Variants in EIF3H observed in about 807,000 individuals in gnomAD.
EIF3H encodes the protein eIF-3-gamma.
Under a neutral mutation model 44.2 loss-of-function variants are expected in EIF3H, and 26 were observed. That is an observed-to-expected ratio of 0.59 (90% confidence interval 0.43 to 0.82). EIF3H has a LOEUF of 0.82. Among genes scored for constraint, EIF3H ranks in the 40% least tolerant of loss-of-function variants. The probability of loss-of-function intolerance (pLI) is 0.00; values close to 1 mark genes in which losing one functional copy is unlikely to be tolerated. For missense variants in EIF3H, 359 were observed against 432.8 expected, an observed-to-expected ratio of 0.83 and a Z score of 1.51; for synonymous variants, 166 against 151.9, an observed-to-expected ratio of 1.09 and a Z score of -0.68.
intron 5 of EIF3H, among the ~76,000 whole-genome samples, chr8:116,652,170 G>A (rs1230009101): frequency 6.6e-6 from 1 of 152,146 alleles, no homozygotes; most frequent in African/African-American, 2.4e-5. Flanking sequence ...AGTTTCACAG[G>A]CTCCTAGGAA....
chr8:116,645,632 C>G (rs117666293), intron 7 of EIF3H, among the ~76,000 whole-genome samples: 1,834 of 152,296 alleles, frequency 0.012, 26 homozygotes, highest in South Asian at 0.046. Context: ...CTTTAATGAT[C>G]TAATCCCATG....
upstream of EIF3H, among the ~76,000 whole-genome samples, chr8:116,759,038 A>C (rs566588044): frequency 2.6e-5 from 4 of 152,372 alleles, no homozygotes; most frequent in Admixed American, 2.6e-4. Flanking sequence ...GAATGTATTT[A>C]ATCACTTAAA....
At chr8:116,651,012 T>C (rs761785474) in intron 5 of EIF3H, among the ~76,000 whole-genome samples, 3 of 152,170 alleles carry the variant, frequency 2.0e-5, no homozygotes, top group Non-Finnish European at 4.4e-5. Flanking sequence ...GTTAGGGGAA[T>C]AGGAATGACA....
At chr8:116,711,076 A>C (rs185909768) in intron 2 of EIF3H, among the ~76,000 whole-genome samples, 1 of 152,356 alleles carries the variant, frequency 6.6e-6, no homozygotes, top group East Asian at 1.9e-4. Flanking sequence ...ATATGTGTAC[A>C]CACATTGCTT....
rs1005017339 is a variant in EIF3H, at chr8:116,647,135, GAGTGC to G, written c.829-537_829-533del. Among the ~76,000 whole-genome samples, 4 of 151,706 alleles carry G rather than the reference GAGTGC, an allele frequency of 2.6e-5. No homozygotes were observed. In the East Asian group the frequency reaches 7.8e-4, roughly 29 times the overall value. On this transcript the variant is annotated intron_variant, in intron 6 of 7. Coordinates refer to ENST00000521861, the MANE Select transcript of EIF3H (RefSeq NM_003756.3). ...GAGTCTCATTCTGTCACCCAGGCTG[GAGTGC>G]AGTGGCACAATCTTGGCTCACTGCA...
chr8:116,666,662 T>TAG (rs1482387461), intron 2 of EIF3H, among the ~76,000 whole-genome samples: 1 of 132,416 alleles, frequency 7.6e-6, no homozygotes, highest in African/African-American at 2.8e-5. Flanking sequence ...AGAACTCTCA[T>TAG]ATAAAGAATA....
At chr8:116,663,072 T>C (rs1005427929) in intron 2 of EIF3H, among the ~76,000 whole-genome samples, 4 of 152,194 alleles carry the variant, frequency 2.6e-5, no homozygotes, top group African/African-American at 4.8e-5. Context: ...TGCCATGTCA[T>C]AGCCCACAGG....
intron 7 of EIF3H, among the ~76,000 whole-genome samples, chr8:116,645,891 C>A (rs1813287810): frequency 6.6e-6 from 1 of 152,192 alleles, no homozygotes; most frequent in Admixed American, 6.5e-5. Flanking sequence ...CTGACTGAAT[C>A]AGATGGCATT....
At chr8:116,717,509 C>T (rs576856487) in intron 2 of EIF3H, among the ~76,000 whole-genome samples, 2 of 152,040 alleles carry the variant, frequency 1.3e-5, no homozygotes, top group African/African-American at 4.8e-5. Context: ...TACTGTGAGG[C>T]CATAGTCACC....
intron 7 of EIF3H, 38 bp downstream of exon 7, chr8:116,646,433 G>T: frequency 6.2e-7 from 1 of 1,613,568 alleles, no homozygotes; most frequent in Non-Finnish European, 8.5e-7. Context: ...CCTAAGAAAC[G>T]AACAAAACCA....
At chr8:116,760,664 T>C (rs1815509504), upstream of EIF3H, among the ~76,000 whole-genome samples, 1 of 152,222 alleles carries the variant, frequency 6.6e-6, no homozygotes, top group Non-Finnish European at 1.5e-5. Flanking sequence ...TATAATATCA[T>C]GTAATTAATA....
At chr8:116,732,425 G>T (rs532110133) in intron 1 of EIF3H, among the ~76,000 whole-genome samples, 1 of 152,206 alleles carries the variant, frequency 6.6e-6, no homozygotes, top group African/African-American at 2.4e-5. Flanking sequence ...TTCCTAAAGG[G>T]AAAGATTTAA....
chr8:116,670,395 C>T (rs75729657), intron 2 of EIF3H, among the ~76,000 whole-genome samples: 48 of 152,258 alleles, frequency 3.2e-4, no homozygotes, highest in African/African-American at 1.2e-3. Flanking sequence ...ACTATCAGGA[C>T]AAGTACAAAT....
intron 2 of EIF3H, among the ~76,000 whole-genome samples, chr8:116,698,775 G>C (rs1482573481): frequency 6.6e-6 from 1 of 152,020 alleles, no homozygotes; most frequent in Admixed American, 6.6e-5. Context: ...TGTTTAAGAT[G>C]ATTTTTTTTT....
intron 1 of EIF3H, 67 bp downstream of exon 1, chr8:116,755,599 C>G: frequency 6.2e-7 from 1 of 1,601,392 alleles, no homozygotes; most frequent in Non-Finnish European, 8.5e-7. Flanking sequence ...CTAGAAAGTA[C>G]GTCTGGTGGG....
chr8:116,693,038 A>C (rs1342224787), intron 2 of EIF3H, among the ~76,000 whole-genome samples: 1 of 152,178 alleles, frequency 6.6e-6, no homozygotes, highest in Non-Finnish European at 1.5e-5. Flanking sequence ...TTTATAACCC[A>C]AATCTTTAAA....
intron 2 of EIF3H, among the ~76,000 whole-genome samples, chr8:116,686,058 CA>C (rs1334020232): frequency 6.6e-6 from 1 of 152,086 alleles, no homozygotes; most frequent in Non-Finnish European, 1.5e-5. Flanking sequence ...CATTTTAATA[CA>C]ATAAACTTTA....
At chr8:116,681,011 G>T (rs1057511141) in intron 2 of EIF3H, among the ~76,000 whole-genome samples, 5 of 150,940 alleles carry the variant, frequency 3.3e-5, no homozygotes, top group Non-Finnish European at 7.4e-5. Context: ...CTTAAATAAT[G>T]ATCGTGATGA....
At chr8:116,709,047 G>C (rs532092910) in intron 2 of EIF3H, among the ~76,000 whole-genome samples, 1 of 151,008 alleles carries the variant, frequency 6.6e-6, no homozygotes, top group African/African-American at 2.4e-5. Flanking sequence ...GGTCTAAATC[G>C]CAAAGATGAC....
Sources: gnomAD v4.1 joint callset for allele counts (sites outside exome capture counted in the v4.1 genomes callset) on GRCh38, gnomAD v4.1.1 for gene constraint, MANE v1.5 for transcripts, NCBI Gene and HGNC (gene_info 2026-07-23, HGNC 2026-07-21) for gene names.